Variants in CALN1 observed in about 807,000 individuals in gnomAD.
CALN1 encodes the protein calneuron 1, also known as calcium-binding protein 8.
CALN1 carries 17 observed loss-of-function variants against 30.6 expected under a neutral mutation model. The observed-to-expected ratio is 0.56, with a 90% CI of 0.38 to 0.83. The LOEUF (loss-of-function observed/expected upper bound fraction) is 0.83, where lower values mean the gene tolerates loss of function less well. CALN1 is among the 40% of genes least tolerant of loss of function. The probability of loss-of-function intolerance (pLI) is 0.00; values close to 1 mark genes in which losing one functional copy is unlikely to be tolerated. For synonymous variants in CALN1, 156 were observed against 131.4 expected, an observed-to-expected ratio of 1.19 and a Z score of -1.28; for missense variants, 291 against 354.9, an observed-to-expected ratio of 0.82 and a Z score of 1.45.
chr7:72,368,164 T>A (rs1223302137), intron 2 of CALN1, among the ~76,000 whole-genome samples: 1 of 151,308 alleles, frequency 6.6e-6, no homozygotes, highest in Admixed American at 6.6e-5. Flanking sequence ...TGTGTATATA[T>A]ATATGTGTAT....
the CALN1 span, among the ~76,000 whole-genome samples, chr7:72,500,269 CTT>C: frequency 8.8e-3 from 450 of 51,218 alleles, no homozygotes; most frequent in East Asian, 0.037. Context: ...TTCGTTCCTT[CTT>C]TTTTTTTTTT....
chr7:72,435,764 T>C lies in CALN1; in HGVS notation c.-226+11278A>G, dbSNP rs189625532. Among the ~76,000 whole-genome samples the C allele has an allele frequency of 3.7e-4, 56 of 152,266 alleles. 1 individual carries two copies. Among genetic ancestry groups the C allele is most frequent in the Admixed American group, 3.1e-3 (47 of 15,292 alleles). On this transcript the variant is annotated intron_variant, in intron 1 of 6. Transcript: ENST00000395276. ...GAAAATCAGTTAATAACTGTGCACATTTTCTAATAAATTTTAACAATTTAA... is the reference window on the plus strand; with the variant it reads ...GAAAATCAGTTAATAACTGTGCACACTTTCTAATAAATTTTAACAATTTAA...
intron 1 of CALN1, among the ~76,000 whole-genome samples, chr7:72,422,698 A>ATTTTACAAACAAAAGGAAAAT (rs1807652455): frequency 6.6e-6 from 1 of 151,986 alleles, no homozygotes; most frequent in South Asian, 2.1e-4. Flanking sequence ...GTAAATCCTC[A>ATTTTACAAACAAAAGGAAAAT]CCTTTTCCTA....
At chr7:72,187,060 G>C (rs1323587784) in intron 3 of CALN1, among the ~76,000 whole-genome samples, 1 of 151,966 alleles carries the variant, frequency 6.6e-6, no homozygotes, top group African/African-American at 2.4e-5. Context: ...GAGACTGATG[G>C]AAATTTGGTA....
chr7:72,091,968 C>A (rs1263612928), intron 4 of CALN1, among the ~76,000 whole-genome samples: 2 of 152,166 alleles, frequency 1.3e-5, no homozygotes, highest in Non-Finnish European at 2.9e-5. Flanking sequence ...CAGCTTGAAC[C>A]AATTTCAATA....
intron 5 of CALN1, among the ~76,000 whole-genome samples, chr7:71,979,090 C>T (rs1199545029): frequency 6.6e-6 from 1 of 152,068 alleles, no homozygotes; most frequent in African/African-American, 2.4e-5. Flanking sequence ...AGCCTACTGC[C>T]CCTTAGCTAA....
chr7:71,938,949 C>T (rs548101211), intron 5 of CALN1, among the ~76,000 whole-genome samples: 1 of 152,210 alleles, frequency 6.6e-6, no homozygotes, highest in African/African-American at 2.4e-5. Flanking sequence ...ATGCCTTCAT[C>T]ATCAATTCAA....
intron 5 of CALN1, among the ~76,000 whole-genome samples, chr7:71,828,910 A>G (rs1789096261): frequency 1.3e-5 from 2 of 151,722 alleles, no homozygotes; most frequent in South Asian, 4.2e-4. Context: ...CACCACACCC[A>G]GCTAATTTTT....
intron 2 of CALN1, among the ~76,000 whole-genome samples, chr7:72,366,146 CTTTTT>C (rs34324814): frequency 2.0e-5 from 3 of 151,506 alleles, no homozygotes; most frequent in Non-Finnish European, 4.4e-5. Flanking sequence ...TATTTTTTAT[CTTTTT>C]TATTTTATTT....
intron 5 of CALN1, among the ~76,000 whole-genome samples, chr7:71,969,690 G>T (rs561304343): frequency 3.9e-5 from 6 of 152,206 alleles, no homozygotes; most frequent in Non-Finnish European, 8.8e-5. Context: ...TCCCGGAGAA[G>T]AGAAAGAGAG....
chr7:72,063,362 G>A (rs557764779), intron 4 of CALN1, among the ~76,000 whole-genome samples: 1 of 152,340 alleles, frequency 6.6e-6, no homozygotes, highest in Non-Finnish European at 1.5e-5. Flanking sequence ...GGTATGACAT[G>A]CAATGCCATA....
chr7:72,192,300 T>C (rs1281461945), intron 3 of CALN1, among the ~76,000 whole-genome samples: 1 of 152,184 alleles, frequency 6.6e-6, no homozygotes, highest in Non-Finnish European at 1.5e-5. Context: ...GCTTCCATCA[T>C]CACGTTTCCT....
At chr7:72,316,272 G>A (rs1042778756) in intron 2 of CALN1, among the ~76,000 whole-genome samples, 3 of 152,030 alleles carry the variant, frequency 2.0e-5, no homozygotes, top group Admixed American at 6.5e-5. Flanking sequence ...TGATGAATTC[G>A]TTGAAAATGT....
intron 2 of CALN1, among the ~76,000 whole-genome samples, chr7:72,299,364 A>C (rs916564874): frequency 6.6e-6 from 1 of 152,218 alleles, no homozygotes; most frequent in Admixed American, 6.5e-5. Flanking sequence ...CATGAACACA[A>C]TAAGAGACTA....
chr7:72,278,008 C>CGGGT (rs1797454200), intron 3 of CALN1, among the ~76,000 whole-genome samples: 1 of 49,100 alleles, frequency 2.0e-5, no homozygotes, highest in Non-Finnish European at 3.9e-5. Context: ...TCCTCTATTC[C>CGGGT]GGGGGGGGGG....
intron 5 of CALN1, among the ~76,000 whole-genome samples, chr7:71,849,786 G>T (rs1355749852): frequency 2.0e-5 from 3 of 152,080 alleles, no homozygotes; most frequent in African/African-American, 7.2e-5. Flanking sequence ...TGGGGCTATA[G>T]GCGCATGCCA....
intron 5 of CALN1, among the ~76,000 whole-genome samples, chr7:71,981,548 G>C (rs1798393172): frequency 6.6e-6 from 1 of 152,106 alleles, no homozygotes. Context: ...CAACTACTCA[G>C]GAGGATGAGG....
At chr7:72,206,087 A>G (rs12155060) in intron 3 of CALN1, among the ~76,000 whole-genome samples, 28,828 of 152,118 alleles carry the variant, frequency 0.19, 2,993 homozygotes, top group East Asian at 0.29. Flanking sequence ...CTGGAAGATC[A>G]AGGGCTCACT....
the CALN1 span, among the ~76,000 whole-genome samples, chr7:72,467,543 C>T: frequency 1.3e-5 from 2 of 152,108 alleles, no homozygotes; most frequent in Non-Finnish European, 2.9e-5. Context: ...GGCAGAGCCC[C>T]ACCCAGATTG....
Sources: allele counts gnomAD v4.1 joint callset (sites outside exome capture counted in the v4.1 genomes callset), GRCh38; gene constraint gnomAD v4.1.1; transcripts MANE v1.5; gene names NCBI Gene and HGNC (gene_info 2026-07-23, HGNC 2026-07-21).